XXYLT1: variants seen among roughly 807,000 people sequenced by gnomAD.
XXYLT1 encodes the protein xyloside xylosyltransferase 1.
Under a neutral mutation model 28.9 loss-of-function variants are expected in XXYLT1, and 20 were observed. The observed-to-expected ratio is 0.69, with a 90% CI of 0.49 to 1.00. The LOEUF (loss-of-function observed/expected upper bound fraction) is 1.00, where lower values mean the gene tolerates loss of function less well. XXYLT1 is among the 50% of genes least tolerant of loss of function. XXYLT1 has a pLI of 0.00. For synonymous variants in XXYLT1, 257 were observed against 253.8 expected (o/e 1.01, Z -0.12); for missense variants, 542 against 560.1 (o/e 0.97, Z 0.33).
At chr3:195,194,238 T>C (rs991525700) in intron 2 of XXYLT1, among the ~76,000 whole-genome samples, 1 of 150,774 alleles carries the variant, frequency 6.6e-6, no homozygotes, top group Non-Finnish European at 1.5e-5. Flanking sequence ...TTAATATATA[T>C]ATTATATATA....
chr3:195,137,087 G>A (rs897330660), intron 3 of XXYLT1, among the ~76,000 whole-genome samples: 2 of 152,160 alleles, frequency 1.3e-5, no homozygotes, highest in Non-Finnish European at 2.9e-5. Flanking sequence ...AATCATACAG[G>A]TACAGCCTGC....
intron 2 of XXYLT1, among the ~76,000 whole-genome samples, chr3:195,224,895 G>A (rs954377403): frequency 2.6e-5 from 4 of 152,184 alleles, no homozygotes; most frequent in South Asian, 2.1e-4. Context: ...GGCTAATGGC[G>A]GAGCTGTGAG....
Position 195,223,069 on chromosome 3 carries a change from CAA to C in XXYLT1, c.652+3638_652+3639del, listed in dbSNP as rs369493263. On this transcript the variant is annotated intron_variant, in intron 2 of 3. Coordinates refer to ENST00000310380, the MANE Select transcript of XXYLT1 (RefSeq NM_152531.5). ...TGAAACCCCATCTCTACTAAAAATA[CAA>C]AAAAAAAAAAAATTAGCCGGACATG... 8.4e-3 allele frequency among the ~76,000 whole-genome samples: 1,138 copies of C among 135,462 alleles called. 15 individuals carry two copies. Among genetic ancestry groups the C allele is most frequent in the African/African-American group, 0.028 (1,062 of 37,396 alleles). 88.9% of individuals were successfully genotyped at this position (135,462 alleles called of 152,430 possible).
At position 195,150,586 on chromosome 3, in the gene XXYLT1, C is replaced by T. The variant is rs1243952338; in HGVS notation, c.785+5863G>A. On this transcript the variant is annotated intron_variant, in intron 3 of 3. Coordinates refer to ENST00000310380, the MANE Select transcript of XXYLT1 (RefSeq NM_152531.5). This position sits in a 1 kb window ranked among gnomAD's most constrained non-coding sequence, Gnocchi z 4.7. Reference sequence around the variant, plus strand: ...CCGCCTGGTGGCATGTTATCAGCAGCTGACAGGAATAGCCTGCCGCTTCCT... The same window carrying T: ...CCGCCTGGTGGCATGTTATCAGCAGTTGACAGGAATAGCCTGCCGCTTCCT... Among the ~76,000 whole-genome samples, 1 of 152,200 alleles carries T rather than the reference C, an allele frequency of 6.6e-6. No individual in the cohort carries two copies. Among genetic ancestry groups the T allele is most frequent in the Non-Finnish European group, 1.5e-5 (1 of 68,018 alleles).
At chr3:195,097,652 C>T (rs1319122149) in intron 3 of XXYLT1, among the ~76,000 whole-genome samples, 1 of 152,144 alleles carries the variant, frequency 6.6e-6, no homozygotes, top group Non-Finnish European at 1.5e-5. Context: ...CCTGGAGCCC[C>T]CACTGATAAG....
At position 195,072,857 on chromosome 3, in the gene XXYLT1, C is replaced by T. The variant is rs568410187; in HGVS notation, c.786-2746G>A. On this transcript the variant is annotated intron_variant, in intron 3 of 3. Transcript: ENST00000310380. ...TCTGGCTTCTGTGTCTGCTGGTTCTCGTAGAGGAATCGCATCAGCCTCGGG... is the reference window on the plus strand; with the variant it reads ...TCTGGCTTCTGTGTCTGCTGGTTCTTGTAGAGGAATCGCATCAGCCTCGGG... Among the ~76,000 whole-genome samples the T allele has an allele frequency of 2.6e-5, 4 of 152,256 alleles. No individual in the cohort carries two copies. The South Asian group carries it at 6.2e-4, about 24-fold the overall frequency.
chr3:195,269,505 A>G lies in XXYLT1; in HGVS notation c.504+1050T>C, dbSNP rs557590769. On this transcript the variant is annotated intron_variant, in intron 1 of 3. Coordinates refer to ENST00000310380, the MANE Select transcript of XXYLT1 (RefSeq NM_152531.5). ...CTAAGGTATGAGGTGCATGTAGACA[A>G]AGGAGGAGAGGTGAAGCCAGAGAAG... Among the ~76,000 whole-genome samples, 6 of 152,304 alleles carry G rather than the reference A, an allele frequency of 3.9e-5. No individual in the cohort carries two copies. In the East Asian group the frequency reaches 5.8e-4, roughly 15 times the overall value.
chr3:195,142,782 G>A (rs979736747), intron 3 of XXYLT1, among the ~76,000 whole-genome samples: 6 of 152,178 alleles, frequency 3.9e-5, no homozygotes, highest in Non-Finnish European at 5.9e-5. Flanking sequence ...GGGAGGCAGC[G>A]CCGAACAGGG....
chr3:195,075,681 G>C (rs1405264344), intron 3 of XXYLT1, among the ~76,000 whole-genome samples: 1 of 152,208 alleles, frequency 6.6e-6, no homozygotes, highest in Non-Finnish European at 1.5e-5. Flanking sequence ...GTGGCTGGCA[G>C]GACTTGCCTG....
intron 3 of XXYLT1, chr3:195,152,691 G>A (rs1355163097): frequency 6.6e-6 from 1 of 152,172 alleles, no homozygotes; most frequent in African/African-American, 2.4e-5. Context: ...CAACACTCAT[G>A]GCACACAATA....
rs565995782 is a variant in XXYLT1 at position 195,229,741 on chromosome 3, T to G, written c.505-2885A>C. Reference sequence around the variant, plus strand: ...GATCTCATTCTTATTTATGGCTGAATAGTACTCCATTTTGTATATGTACTG... The same window carrying G: ...GATCTCATTCTTATTTATGGCTGAAGAGTACTCCATTTTGTATATGTACTG... On this transcript the variant is annotated intron_variant, in intron 1 of 3. Transcript: ENST00000310380. 6.6e-5 allele frequency among the ~76,000 whole-genome samples: 10 copies of G among 152,398 alleles called. No homozygotes were observed. In the East Asian group the frequency reaches 1.9e-3, roughly 29 times the overall value.
chr3:195,080,539 G>A (rs1433245144), intron 3 of XXYLT1, among the ~76,000 whole-genome samples: 1 of 150,984 alleles, frequency 6.6e-6, no homozygotes, highest in Non-Finnish European at 1.5e-5. Context: ...GAATTTAAGG[G>A]AGCGGGGGTG....
intron 3 of XXYLT1, chr3:195,096,007 T>G (rs1376712520): frequency 6.6e-6 from 1 of 152,038 alleles, no homozygotes. Context: ...CAATATGTAA[T>G]ATATAGCAGT....
chr3:195,083,613 C>T (rs564249144), intron 3 of XXYLT1, among the ~76,000 whole-genome samples: 101 of 152,282 alleles, frequency 6.6e-4, no homozygotes, highest in Middle Eastern at 6.8e-3. Context: ...AGGAGAAGAA[C>T]ACCTCTCCCC....
chr3:195,206,504 C>T (rs980261782), intron 2 of XXYLT1, among the ~76,000 whole-genome samples: 1 of 151,868 alleles, frequency 6.6e-6, no homozygotes, highest in Non-Finnish European at 1.5e-5. Flanking sequence ...TGCGGTGGCT[C>T]ACACCTGCAA....
At chr3:195,236,115 C>T (rs1724536346) in intron 1 of XXYLT1, among the ~76,000 whole-genome samples, 1 of 152,166 alleles carries the variant, frequency 6.6e-6, no homozygotes, top group African/African-American at 2.4e-5. Context: ...TATGTTCAAT[C>T]AAGGCCCTAG....
intron 3 of XXYLT1, among the ~76,000 whole-genome samples, chr3:195,072,772 C>G (rs767331138): frequency 6.6e-6 from 1 of 152,152 alleles, no homozygotes; most frequent in Admixed American, 6.5e-5. Context: ...CAAGGCGTCC[C>G]TACTATCCCC....
intron 2 of XXYLT1, among the ~76,000 whole-genome samples, chr3:195,181,066 G>A (rs1721926859): frequency 6.6e-6 from 1 of 152,192 alleles, no homozygotes; most frequent in Admixed American, 6.5e-5. Context: ...GCCCACCTGC[G>A]GCCAGGTGTG....
intron 1 of XXYLT1, among the ~76,000 whole-genome samples, chr3:195,264,529 C>T (rs1301641122): frequency 6.6e-6 from 1 of 152,234 alleles, no homozygotes; most frequent in Non-Finnish European, 1.5e-5. Flanking sequence ...CACACACTTG[C>T]TATCTCTGCA....
Sources: gnomAD v4.1 joint callset for allele counts (sites outside exome capture counted in the v4.1 genomes callset) on GRCh38, gnomAD v4.1.1 for gene constraint, Gnocchi (gnomAD v3.1) non-coding constraint, MANE v1.5 for transcripts, NCBI Gene and HGNC (gene_info 2026-07-23, HGNC 2026-07-21) for gene names.